DACH2: variants seen among roughly 807,000 people sequenced by gnomAD.
DACH2 encodes dachshund homolog 2.
A neutral mutation model predicts 35.8 loss-of-function variants in DACH2; 17 were observed. The ratio of observed to expected loss-of-function variants is 0.48; its 90% CI spans 0.33 to 0.71. DACH2 has a LOEUF of 0.71. Ranked by LOEUF, DACH2 falls within the 30% of genes least tolerant of loss-of-function variation. The pLI is 0.02. For synonymous variants in DACH2, 195 were observed against 177.3 expected (o/e 1.10, Z -0.79); for missense variants, 469 against 472.7 (o/e 0.99, Z 0.07).
chrX:86,259,840 C>T (rs763319822), intron 1 of DACH2, among the ~76,000 whole-genome samples: 3 of 111,209 alleles, frequency 2.7e-5, no homozygotes, highest in Non-Finnish European at 5.7e-5. Context: ...TGACAGGTGC[C>T]GTCATATTTT....
chrX:86,278,391 C>T (rs1006583282), intron 1 of DACH2, among the ~76,000 whole-genome samples: 1 of 111,910 alleles, frequency 8.9e-6, no homozygotes, highest in Non-Finnish European at 1.9e-5. Context: ...ATCTTGACCA[C>T]TTTTTGCGGG....
intron 3 of DACH2, among the ~76,000 whole-genome samples, chrX:86,548,131 T>C (rs1477343450): frequency 1.8e-5 from 2 of 112,310 alleles, no homozygotes; most frequent in Admixed American, 9.5e-5. Flanking sequence ...CTTTCATTTA[T>C]TATGCTTATT....
intron 7 of DACH2, among the ~76,000 whole-genome samples, chrX:86,804,212 T>C (rs1274969482): frequency 8.9e-6 from 1 of 111,872 alleles, no homozygotes; most frequent in Non-Finnish European, 1.9e-5. Context: ...TGGCATCTGC[T>C]CAGCTTCTGA....
intron 2 of DACH2, among the ~76,000 whole-genome samples, chrX:86,498,499 G>A (rs866378212): frequency 8.9e-6 from 1 of 111,882 alleles, no homozygotes; most frequent in Non-Finnish European, 1.9e-5. Context: ...TAGCATGTTC[G>A]TGTTTTGGAA....
chrX:86,180,196 A>ATG (rs1442948440), intron 1 of DACH2, among the ~76,000 whole-genome samples: 6 of 85,449 alleles, frequency 7.0e-5, no homozygotes, highest in African/African-American at 8.9e-5. Context: ...ATATATATAT[A>ATG]TATATATATA....
chrX:86,315,426 A>G (rs1422436458), intron 1 of DACH2, among the ~76,000 whole-genome samples: 1 of 112,317 alleles, frequency 8.9e-6, no homozygotes, highest in African/African-American at 3.2e-5. Context: ...CTAACATAGC[A>G]TCCATTCTGC....
At chrX:86,704,855 TAAAAGTAGAAC>T (rs2041192025) in intron 5 of DACH2, among the ~76,000 whole-genome samples, 1 of 110,029 alleles carries the variant, frequency 9.1e-6, no homozygotes, top group Non-Finnish European at 1.9e-5. Flanking sequence ...CTTAAAGAAC[TAAAAGTAGAAC>T]CACCATTTGA....
At chrX:86,582,787 A>G (rs1201619950) in intron 3 of DACH2, among the ~76,000 whole-genome samples, 1 of 110,355 alleles carries the variant, frequency 9.1e-6, no homozygotes, top group Non-Finnish European at 1.9e-5. Flanking sequence ...AGATGTGTAA[A>G]GAAGAGCGGG....
chrX:86,610,409 CTTTCTTTCT>C (rs748514173), intron 3 of DACH2, among the ~76,000 whole-genome samples: 1,177 of 71,535 alleles, frequency 0.016, 21 homozygotes, highest in African/African-American at 0.045. Flanking sequence ...TTCTTTCTTT[CTTTCTTTCT>C]TTTCTTTCTT....
chrX:86,768,799 C>T (rs902271396), intron 7 of DACH2, among the ~76,000 whole-genome samples: 10 of 111,133 alleles, frequency 9.0e-5, no homozygotes, highest in Non-Finnish European at 1.7e-4. Flanking sequence ...CTCCTCTATA[C>T]TTCCCCTGTT....
chrX:86,795,630 T>G lies in DACH2; in HGVS notation c.1241-17226T>G, dbSNP rs148948763. 2.0e-3 allele frequency among the ~76,000 whole-genome samples: 227 copies of G among 112,598 alleles called. 8 individuals are homozygous for G. The East Asian group carries it at 0.057, about 28-fold the overall frequency. On this transcript the variant is annotated intron_variant, in intron 7 of 11. Transcript: ENST00000373125. The stretch of plus-strand genomic sequence containing the variant: ...GATACTGCGTCTGGAATTTATTCCT[T>G]CCAGTGGGTTCTTGGTCTCTCTGAC...
At chrX:86,691,242 C>A (rs1192176017) in intron 4 of DACH2, among the ~76,000 whole-genome samples, 1 of 111,257 alleles carries the variant, frequency 9.0e-6, no homozygotes, top group Non-Finnish European at 1.9e-5. Flanking sequence ...ATCATGTACC[C>A]CTAAAATTCA....
chrX:86,308,856 G>T (rs975129342), intron 1 of DACH2, among the ~76,000 whole-genome samples: 3 of 111,318 alleles, frequency 2.7e-5, no homozygotes. Context: ...GCTTATGGAG[G>T]TCAGGTAATT....
At chrX:86,246,397 A>AT (rs2033284738) in intron 1 of DACH2, among the ~76,000 whole-genome samples, 1 of 111,017 alleles carries the variant, frequency 9.0e-6, no homozygotes, top group Non-Finnish European at 1.9e-5. Context: ...GAAAGAAAAA[A>AT]CATTAAAGAC....
intron 3 of DACH2, among the ~76,000 whole-genome samples, chrX:86,543,615 T>C (rs1054573966): frequency 3.6e-5 from 4 of 110,484 alleles, no homozygotes; most frequent in Non-Finnish European, 7.6e-5. Flanking sequence ...AAAGATGAAA[T>C]GGCCATTCAA....
chrX:86,616,379 A>G (rs1416559731), intron 3 of DACH2, among the ~76,000 whole-genome samples: 2 of 111,387 alleles, frequency 1.8e-5, no homozygotes, highest in African/African-American at 6.5e-5. Context: ...ACTACTTCAC[A>G]CTCCCATCTA....
rs770768420 is a variant in DACH2, at chrX:86,359,009, T to C, written c.489-17815T>C. Among the ~76,000 whole-genome samples, 6 of 110,282 alleles carry C rather than the reference T, an allele frequency of 5.4e-5. No homozygotes were observed. In the East Asian group the frequency reaches 1.7e-3, roughly 32 times the overall value. On this transcript the variant is annotated intron_variant, in intron 1 of 11. Coordinates refer to ENST00000373125, the MANE Select transcript of DACH2 (RefSeq NM_053281.3). ...AGGTTGTATAGCCAGTGGAATGTGA[T>C]ACGTTGGTAGATGTTATGTATTGGT...
In DACH2 at chrX:86,610,375, TTCTTTC is replaced by T. The variant is rs1241259029; in HGVS notation, c.641-40659_641-40654del. 4.9e-4 allele frequency among the ~76,000 whole-genome samples: 30 copies of T among 60,872 alleles called. 1 individual carries two copies. Among genetic ancestry groups the T allele is most frequent in the Non-Finnish European group, 1.2e-4 (4 of 34,443 alleles). The allele number at this position is 60,872 out of a possible 115,157, so 52.9% of individuals were successfully genotyped here. On this transcript the variant is annotated intron_variant, in intron 3 of 11. Coordinates refer to ENST00000373125, the MANE Select transcript of DACH2 (RefSeq NM_053281.3). The stretch of plus-strand genomic sequence containing the variant: ...CCTTCCTTCCTTCCTCTTTCTTTCT[TTCTTTC>T]TTTCTTTCTTTCTTTCTTTCTTTCT...
intron 3 of DACH2, among the ~76,000 whole-genome samples, chrX:86,604,238 C>T (rs2039829145): frequency 9.0e-6 from 1 of 111,108 alleles, no homozygotes; most frequent in Admixed American, 9.6e-5. Context: ...TATAGATAAT[C>T]ATTATGTTTT....
Sources: allele counts gnomAD v4.1 joint callset (sites outside exome capture counted in the v4.1 genomes callset), GRCh38; gene constraint gnomAD v4.1.1; transcripts MANE v1.5; gene names NCBI Gene and HGNC (gene_info 2026-07-23, HGNC 2026-07-21).